The following GRM5 variants were observed in gnomAD, a reference collection of about 807,000 sequenced individuals.
The protein encoded by GRM5 is metabotropic glutamate receptor 5.
Under a neutral mutation model 83.1 loss-of-function variants are expected in GRM5, and 19 were observed. The observed-to-expected ratio is 0.23, with a 90% CI of 0.16 to 0.34. The LOEUF (loss-of-function observed/expected upper bound fraction) is 0.34, where lower values mean the gene tolerates loss of function less well. Among genes scored for constraint, GRM5 ranks in the 10% least tolerant of loss-of-function variants. The pLI, the probability that GRM5 is intolerant of heterozygous loss-of-function variation, is 1.00. For missense variants in GRM5, 1,160 were observed against 1,588.3 expected, an observed-to-expected ratio of 0.73 and a Z score of 4.58; for synonymous variants, 675 against 633.6, an observed-to-expected ratio of 1.07 and a Z score of -0.98.
At chr11:88,919,313 T>C (rs1188980341) in intron 2 of GRM5, among the ~76,000 whole-genome samples, 2 of 131,394 alleles carry the variant, frequency 1.5e-5, no homozygotes, top group Non-Finnish European at 1.7e-5. Context: ...AAAGTCATTA[T>C]ATATTGATAA....
chr11:88,648,253 C>A (rs551532012), intron 4 of GRM5, among the ~76,000 whole-genome samples: 3,585 of 149,568 alleles, frequency 0.024, 124 homozygotes, highest in African/African-American at 0.084. Context: ...GGAACCAATC[C>A]AAATGTCCAA....
intron 2 of GRM5, among the ~76,000 whole-genome samples, chr11:88,999,337 C>T (rs1016271032): frequency 1.3e-5 from 2 of 152,130 alleles, no homozygotes; most frequent in Non-Finnish European, 2.9e-5. Flanking sequence ...GCAACCTACT[C>T]ATCTTACAAA....
chr11:88,587,789 A>G (rs1321088208), intron 7 of GRM5, among the ~76,000 whole-genome samples: 1 of 152,176 alleles, frequency 6.6e-6, no homozygotes, highest in Admixed American at 6.6e-5. Flanking sequence ...TCCCCAGCTA[A>G]CTATCATTAG....
rs778227995 is a variant in GRM5 at position 88,509,443 on chromosome 11, A to C, written c.2788T>G (p.Trp930Gly). 6 of 1,612,808 alleles carry C rather than the reference A, an allele frequency of 3.7e-6. No individual in the cohort carries two copies. The highest frequency in any genetic ancestry group is 4.2e-6 in the Non-Finnish European group (5 of 1,179,882). ...NEKSSRGQHL[W>G]QRLSIHINKK... ...TTGATGTGGATGGACAGGCGCTGCC[A>C]CAGGTGCTGCCCCCGGCTGCTCTTC... Residue 930 changes from tryptophan to glycine, a missense_variant, in exon 10 of 10, where the codon TGG becomes GGG. Around this residue, in one of 9 missense-constraint regions of GRM5, gnomAD observed 562 missense variants for 532.4 expected, o/e 1.06. Coordinates refer to ENST00000305447, the MANE Select transcript of GRM5 (RefSeq NM_001143831.3).
chr11:88,994,207 G>C (rs1940092634), intron 2 of GRM5, among the ~76,000 whole-genome samples: 2 of 151,348 alleles, frequency 1.3e-5, no homozygotes, highest in South Asian at 4.2e-4. Flanking sequence ...AAAACAATGA[G>C]ACACTGATGA....
chr11:88,794,836 C>T (rs71469214), intron 3 of GRM5, among the ~76,000 whole-genome samples: 7 of 152,246 alleles, frequency 4.6e-5, no homozygotes, highest in African/African-American at 7.2e-5. Context: ...ATAAATCTTC[C>T]TCCTAGATGG....
chr11:89,010,539 G>A (rs1320833964), intron 2 of GRM5, among the ~76,000 whole-genome samples: 1 of 152,076 alleles, frequency 6.6e-6, no homozygotes, highest in Non-Finnish European at 1.5e-5. Context: ...GCAACTGTAA[G>A]GGATTTAGGG....
chr11:88,605,613 A>G (rs1300778957), intron 4 of GRM5, among the ~76,000 whole-genome samples: 3 of 152,210 alleles, frequency 2.0e-5, no homozygotes, highest in African/African-American at 4.8e-5. Context: ...TGATTTGAAC[A>G]TGGAGCTTGT....
intron 9 of GRM5, chr11:88,512,250 A>G: frequency 6.9e-6 from 1 of 145,034 alleles, no homozygotes; most frequent in Middle Eastern, 5.2e-4. Flanking sequence ...CTTTGGTTAC[A>G]GTGCCCATGG....
At chr11:88,922,034 A>C (rs1945702536) in intron 2 of GRM5, among the ~76,000 whole-genome samples, 1 of 152,172 alleles carries the variant, frequency 6.6e-6, no homozygotes, top group Non-Finnish European at 1.5e-5. Flanking sequence ...AAACCAAAAA[A>C]GTGAAAGATC....
chr11:88,593,730 TTCCCTCCCTCCCTCCTTCGC>T (rs1937711007), intron 6 of GRM5, among the ~76,000 whole-genome samples: 1 of 150,556 alleles, frequency 6.6e-6, no homozygotes, highest in African/African-American at 2.4e-5. Flanking sequence ...CCTTTCTTCC[TTCCCTCCCTCCCTCCTTCGC>T]TCCCTCCCTC....
intron 2 of GRM5, among the ~76,000 whole-genome samples, chr11:89,041,207 T>C (rs1218635087): frequency 6.6e-6 from 1 of 152,194 alleles, no homozygotes; most frequent in Non-Finnish European, 1.5e-5. Context: ...TCTTCACATT[T>C]AGGTAAGCAT....
Position 88,579,186 on chromosome 11 carries a change from T to G in GRM5, c.1691-11194A>C, listed in dbSNP as rs1943176677. The stretch of plus-strand genomic sequence containing the variant: ...TTGAGCTGTCAGGAGGATTAGGTGA[T>G]AGAACACAAACTTCCTATTCTGATA... On this transcript the variant is annotated intron_variant, in intron 7 of 9. Coordinates refer to ENST00000305447, the MANE Select transcript of GRM5 (RefSeq NM_001143831.3). 2.0e-5 allele frequency among the ~76,000 whole-genome samples: 3 copies of G among 152,162 alleles called. No individual in the cohort carries two copies. In the South Asian group the frequency reaches 6.2e-4, roughly 32 times the overall value.
chr11:88,780,475 C>A (rs1280308189), intron 3 of GRM5, among the ~76,000 whole-genome samples: 2 of 151,996 alleles, frequency 1.3e-5, no homozygotes, highest in Admixed American at 1.3e-4. Flanking sequence ...TGGGAGAGTA[C>A]CTTAGCTTGT....
chr11:88,578,014 A>G (rs1464039059), intron 7 of GRM5, among the ~76,000 whole-genome samples: 1 of 152,094 alleles, frequency 6.6e-6, no homozygotes, highest in Non-Finnish European at 1.5e-5. Context: ...GTGTATATAC[A>G]AAACGGTGTG....
chr11:88,986,963 G>A (rs1398178384), intron 2 of GRM5, among the ~76,000 whole-genome samples: 1 of 151,876 alleles, frequency 6.6e-6, no homozygotes, highest in East Asian at 1.9e-4. Context: ...TGAGGTGGGT[G>A]GATCAAGAGG....
chr11:88,594,511 A>G (rs1937746931), intron 6 of GRM5, among the ~76,000 whole-genome samples: 1 of 152,252 alleles, frequency 6.6e-6, no homozygotes, highest in Admixed American at 6.5e-5. Flanking sequence ...TTATTTACAA[A>G]GACAGGTAGT....
At chr11:88,871,738 G>A (rs7932794) in intron 2 of GRM5, among the ~76,000 whole-genome samples, 4,189 of 151,548 alleles carry the variant, frequency 0.028, 197 homozygotes, top group African/African-American at 0.095. Flanking sequence ...ATTCTTCAGA[G>A]TTATTTAAAA....
intron 3 of GRM5, among the ~76,000 whole-genome samples, chr11:88,743,011 A>G (rs542509582): frequency 6.6e-6 from 1 of 152,234 alleles, no homozygotes; most frequent in South Asian, 2.1e-4. Context: ...AATTCTATCA[A>G]CTTCTGAAAA....
Sources: gnomAD v4.1 joint callset for allele counts (sites outside exome capture counted in the v4.1 genomes callset) on GRCh38, gnomAD v4.1.1 for gene constraint, gnomAD v4.1.1 regional missense constraint, MANE v1.5 for transcripts, NCBI Gene and HGNC (gene_info 2026-07-23, HGNC 2026-07-21) for gene names.